The following RBFOX2 variants were observed in gnomAD, a reference collection of about 807,000 sequenced individuals.
The protein encoded by RBFOX2 is RNA binding fox-1 homolog 2.
RBFOX2 carries 10 observed loss-of-function variants against 49.1 expected under a neutral mutation model. That is an observed-to-expected ratio of 0.20 (90% CI 0.13 to 0.35). The LOEUF (loss-of-function observed/expected upper bound fraction) is 0.35, where lower values mean the gene tolerates loss of function less well. RBFOX2 is among the 10% of genes least tolerant of loss of function. The pLI is 1.00. For synonymous variants in RBFOX2, 183 were observed against 187.4 expected (o/e 0.98, Z 0.19); for missense variants, 323 against 486.9 (o/e 0.66, Z 3.17).
At chr22:35,996,194 C>A (rs892596777) in intron 1 of RBFOX2, 2 of 152,164 alleles carry the variant, frequency 1.3e-5, no homozygotes, top group Admixed American at 6.6e-5. Flanking sequence ...AATTGATTCA[C>A]CAATAAAAAC....
intron 1 of RBFOX2, among the ~76,000 whole-genome samples, chr22:35,931,649 C>A (rs1471579053): frequency 6.6e-6 from 1 of 152,160 alleles, no homozygotes; most frequent in Admixed American, 6.5e-5. Context: ...GAGGTGCACA[C>A]CTGCGGTCCC....
intron 1 of RBFOX2, among the ~76,000 whole-genome samples, chr22:35,882,458 T>G (rs566281826): frequency 1.3e-5 from 2 of 152,242 alleles, no homozygotes; most frequent in Non-Finnish European, 2.9e-5. Context: ...ACAACGCTAC[T>G]GAGTTTTGCT....
chr22:35,913,334 TAAGATCTGCAGG>T (rs2050035892), intron 1 of RBFOX2, among the ~76,000 whole-genome samples: 1 of 151,884 alleles, frequency 6.6e-6, no homozygotes, highest in Non-Finnish European at 1.5e-5. Context: ...GTAAAAAAAG[TAAGATCTGCAGG>T]AAGAGAAACA....
intron 4 of RBFOX2, among the ~76,000 whole-genome samples, chr22:35,776,619 T>C (rs1943975536): frequency 1.3e-5 from 2 of 152,176 alleles, no homozygotes; most frequent in Non-Finnish European, 2.9e-5. Context: ...TATTAGCTCA[T>C]TTATTGGCTT....
At chr22:35,865,850 T>C (rs1333586571) in intron 1 of RBFOX2, among the ~76,000 whole-genome samples, 2 of 152,174 alleles carry the variant, frequency 1.3e-5, no homozygotes, top group East Asian at 1.9e-4. Context: ...TAAAGGACTG[T>C]TGTGTTGTTC....
intron 1 of RBFOX2, among the ~76,000 whole-genome samples, chr22:35,875,721 T>A (rs2044988718): frequency 6.6e-6 from 1 of 150,624 alleles, no homozygotes; most frequent in Non-Finnish European, 1.5e-5. Context: ...CACAAGAATC[T>A]GGACAAGTCC....
chr22:35,882,695 C>T (rs1204378168), intron 1 of RBFOX2, among the ~76,000 whole-genome samples: 1 of 152,098 alleles, frequency 6.6e-6, no homozygotes, highest in African/African-American at 2.4e-5. Flanking sequence ...TATAGGAATG[C>T]AAATGCTTCA....
At chr22:35,767,865 T>A (rs572036133) in intron 5 of RBFOX2, among the ~76,000 whole-genome samples, 1 of 152,194 alleles carries the variant, frequency 6.6e-6, no homozygotes, top group Non-Finnish European at 1.5e-5. Context: ...TGTTATAAAC[T>A]GGATAGTTTT....
chr22:35,942,266 T>C (rs1253157551), upstream of RBFOX2, among the ~76,000 whole-genome samples: 1 of 152,078 alleles, frequency 6.6e-6, no homozygotes, highest in Non-Finnish European at 1.5e-5. Flanking sequence ...GAAAACACCA[T>C]GAATAGGCAA....
chr22:36,026,878 G>A (rs2059459023), intron 1 of RBFOX2, among the ~76,000 whole-genome samples: 1 of 152,170 alleles, frequency 6.6e-6, no homozygotes, highest in Non-Finnish European at 1.5e-5. Flanking sequence ...GTACAGCTCT[G>A]TCCCTAACAC....
intron 1 of RBFOX2, among the ~76,000 whole-genome samples, chr22:36,019,703 T>C (rs1289032904): frequency 2.6e-5 from 4 of 152,226 alleles, no homozygotes; most frequent in African/African-American, 4.8e-5. Context: ...ATTTCAAGTA[T>C]ATATGGATAA....
intron 2 of RBFOX2, among the ~76,000 whole-genome samples, chr22:35,800,862 A>T (rs749459962): frequency 6.6e-6 from 1 of 152,264 alleles, no homozygotes; most frequent in Non-Finnish European, 1.5e-5. Flanking sequence ...TTACATAAAC[A>T]GCAGTCAGCT....
At chr22:36,001,282 CA>C (rs1223483064) in intron 1 of RBFOX2, among the ~76,000 whole-genome samples, 1 of 148,486 alleles carries the variant, frequency 6.7e-6, no homozygotes, top group East Asian at 2.0e-4. Context: ...CAAACAAATC[CA>C]AAAGACAAGT....
intron 1 of RBFOX2, among the ~76,000 whole-genome samples, chr22:35,912,569 G>T (rs892123479): frequency 9.2e-5 from 14 of 152,122 alleles, no homozygotes; most frequent in African/African-American, 3.1e-4. Flanking sequence ...ACAAGGGATG[G>T]ATCCAAACTT....
chr22:35,858,800 T>C (rs1272541835), intron 1 of RBFOX2, among the ~76,000 whole-genome samples: 1 of 133,054 alleles, frequency 7.5e-6, no homozygotes, highest in Admixed American at 8.7e-5. Context: ...CACTCCAGCC[T>C]GGGCAACAAG....
chr22:35,917,372 T>G (rs1170349400), intron 1 of RBFOX2, among the ~76,000 whole-genome samples: 2 of 152,010 alleles, frequency 1.3e-5, no homozygotes, highest in Non-Finnish European at 2.9e-5. Context: ...CAGGAAAATG[T>G]CAGAAAGCAA....
intron 1 of RBFOX2, among the ~76,000 whole-genome samples, chr22:36,026,580 G>C (rs930429248): frequency 6.7e-6 from 1 of 148,306 alleles, no homozygotes. Flanking sequence ...ACACCAAGTA[G>C]AACCTGCTCA....
At chr22:35,981,197 A>G (rs2057441165) in intron 1 of RBFOX2, among the ~76,000 whole-genome samples, 1 of 152,202 alleles carries the variant, frequency 6.6e-6, no homozygotes, top group East Asian at 1.9e-4. Flanking sequence ...AAGGTCCCAC[A>G]ACAAAAAATA....
chr22:35,948,255 A>G (rs1236604740), intron 1 of RBFOX2, among the ~76,000 whole-genome samples: 4 of 152,202 alleles, frequency 2.6e-5, no homozygotes, highest in Non-Finnish European at 5.9e-5. Context: ...TCATACAGCC[A>G]GATAGTCCAC....
Sources: allele counts gnomAD v4.1 joint callset (sites outside exome capture counted in the v4.1 genomes callset), GRCh38; gene constraint gnomAD v4.1.1; transcripts MANE v1.5; gene names NCBI Gene and HGNC (gene_info 2026-07-23, HGNC 2026-07-21).